The following SYN3 variants were observed in gnomAD, a reference collection of about 807,000 sequenced individuals.
SYN3 encodes synapsin-3.
A neutral mutation model predicts 65.8 loss-of-function variants in SYN3; 35 were observed. The ratio of observed to expected loss-of-function variants is 0.53; its 90% confidence interval spans 0.41 to 0.70. SYN3 has a LOEUF of 0.70. SYN3 is among the 30% of genes least tolerant of loss of function. The pLI, the probability that SYN3 is intolerant of heterozygous loss-of-function variation, is 0.00. For synonymous variants in SYN3, 270 were observed against 292.9 expected, an observed-to-expected ratio of 0.92 and a Z score of 0.80; for missense variants, 680 against 749.0, an observed-to-expected ratio of 0.91 and a Z score of 1.08.
chr22:32,867,490 A>G (rs1479948601), intron 5 of SYN3, among the ~76,000 whole-genome samples: 1 of 152,242 alleles, frequency 6.6e-6, no homozygotes, highest in African/African-American at 2.4e-5. Context: ...TAATGCACAA[A>G]TGAATGGATA....
chr22:32,787,771 C>T (rs943855416), intron 6 of SYN3, among the ~76,000 whole-genome samples: 4 of 152,154 alleles, frequency 2.6e-5, no homozygotes, highest in African/African-American at 9.7e-5. Context: ...TGGGAGGCTC[C>T]AGTGACTGGG....
intron 3 of SYN3, among the ~76,000 whole-genome samples, chr22:32,941,381 T>C (rs1457352461): frequency 6.6e-6 from 1 of 152,236 alleles, no homozygotes; most frequent in Non-Finnish European, 1.5e-5. Flanking sequence ...TCCACCTTGT[T>C]GAAAGCTTGA....
At position 32,787,318 on chromosome 22, in the gene SYN3, G is replaced by A. The variant is rs147481512; in HGVS notation, c.711+77597C>T. Among the ~76,000 whole-genome samples, 378 of 152,258 alleles carry A rather than the reference G, an allele frequency of 2.5e-3. 7 individuals carry two copies. In the East Asian group the frequency reaches 0.059, roughly 24 times the overall value. ...TTGCTTCAACCTCCCAAAGTGCTGG[G>A]ATTACAGGCGTGAGCCACCGCACCC... On this transcript the variant is annotated intron_variant, in intron 6 of 13. Transcript: ENST00000358763.
At chr22:32,563,624 A>G (rs1423297069) in intron 7 of SYN3, among the ~76,000 whole-genome samples, 2 of 152,140 alleles carry the variant, frequency 1.3e-5, no homozygotes, top group East Asian at 3.9e-4. Flanking sequence ...AAGTTGATGG[A>G]TCAGGGTGGA....
intron 6 of SYN3, among the ~76,000 whole-genome samples, chr22:32,794,283 C>A (rs2046382498): frequency 6.6e-6 from 1 of 152,238 alleles, no homozygotes; most frequent in African/African-American, 2.4e-5. Flanking sequence ...CTCTCTGTGA[C>A]TATCAGGAGG....
At chr22:33,046,050 G>A (rs184656599) in intron 1 of SYN3, among the ~76,000 whole-genome samples, 28 of 150,480 alleles carry the variant, frequency 1.9e-4, no homozygotes, top group African/African-American at 5.4e-4. Context: ...CAGACACTTC[G>A]CCAAAGAGAA....
At chr22:32,913,643 G>A (rs1214131276) in intron 4 of SYN3, among the ~76,000 whole-genome samples, 1 of 152,146 alleles carries the variant, frequency 6.6e-6, no homozygotes, top group South Asian at 2.1e-4. Flanking sequence ...GTGATATGGG[G>A]ACAAGAATAT....
chr22:32,984,161 CAAAAAAAA>C (rs35678412), intron 2 of SYN3, among the ~76,000 whole-genome samples: 127 of 92,992 alleles, frequency 1.4e-3, no homozygotes, highest in East Asian at 0.011. Context: ...AAACTCCATC[CAAAAAAAA>C]AAAAAAAAAA....
chr22:32,729,714 C>A (rs781467234), intron 6 of SYN3, among the ~76,000 whole-genome samples: 1 of 152,164 alleles, frequency 6.6e-6, no homozygotes, highest in Non-Finnish European at 1.5e-5. Context: ...TTTACAGCAT[C>A]CACTTGCTCA....
intron 6 of SYN3, among the ~76,000 whole-genome samples, chr22:32,743,499 G>A (rs1207405526): frequency 2.0e-5 from 3 of 152,330 alleles, no homozygotes; most frequent in East Asian, 1.9e-4. Flanking sequence ...GAGAGAGGTG[G>A]AGGAGACGCT....
At chr22:32,541,842 C>T (rs5998533) in intron 7 of SYN3, 129 bp from the exon 8 acceptor site, 118,410 of 1,086,914 alleles carry the variant, frequency 0.11, 7,443 homozygotes, top group African/African-American at 0.25. Context: ...GCAGGGGAGA[C>T]AGACACGGGA....
rs2057717934 is a variant in SYN3 at position 32,513,464 on chromosome 22, A to G, written c.*228T>C. ...CCATCGCTCAGGCCTGTTTTGAGGA[A>G]CCTGGAGGCTCTCAAAGGCCCACCT... On this transcript the variant is annotated 3_prime_UTR_variant, in exon 14 of 14. Transcript: ENST00000358763. The G allele has an allele frequency of 1.4e-5, 7 of 500,372 alleles. No individual in the cohort carries two copies. The Admixed American group carries it at 2.4e-4, about 17-fold the overall frequency. The allele number at this position is 500,372 out of a possible 1,614,324, so 31.0% of individuals were successfully genotyped here.
chr22:32,752,600 C>G (rs1407492453), intron 6 of SYN3, among the ~76,000 whole-genome samples: 1 of 152,252 alleles, frequency 6.6e-6, no homozygotes, highest in African/African-American at 2.4e-5. Flanking sequence ...CGTGCCGGGG[C>G]TCTGCTGTCC....
chr22:32,520,854 G>A (rs2057868476), intron 12 of SYN3, among the ~76,000 whole-genome samples: 1 of 152,186 alleles, frequency 6.6e-6, no homozygotes, highest in Admixed American at 6.5e-5. Flanking sequence ...AACTCGCTGT[G>A]TGACCGTGGG....
Position 32,528,045 on chromosome 22 carries a change from A to C in SYN3, c.1231-40T>G, listed in dbSNP as rs369464398. 338 of 1,449,542 alleles carry C rather than the reference A, an allele frequency of 2.3e-4. 1 individual carries two copies. Among genetic ancestry groups the C allele is most frequent in the Admixed American group, 3.2e-4 (12 of 37,992 alleles). 89.8% of individuals were successfully genotyped at this position (1,449,542 alleles called of 1,614,324 possible). A position where few individuals can be genotyped will look rare whatever the true frequency, so the allele number is the denominator to read the frequency against. The stretch of plus-strand genomic sequence containing the variant: ...AAAAGAAGCCTGTTGGTATCACCAC[A>C]GCCCTTTACTTCCTGGGTGAGAGGG... On this transcript the variant is annotated intron_variant, in intron 11 of 13. Transcript: ENST00000358763.
chr22:32,921,657 T>C (rs887569552), intron 4 of SYN3, among the ~76,000 whole-genome samples: 2 of 152,216 alleles, frequency 1.3e-5, no homozygotes, highest in African/African-American at 2.4e-5. Flanking sequence ...TGACAATGAT[T>C]TAACTGTCCC....
At chr22:32,981,965 G>A (rs143902445) in intron 2 of SYN3, among the ~76,000 whole-genome samples, 92 of 152,174 alleles carry the variant, frequency 6.0e-4, no homozygotes, top group African/African-American at 2.0e-3. Flanking sequence ...GAAATATGTT[G>A]AATGTATAAA....
At chr22:32,625,881 C>G (rs961943935) in intron 6 of SYN3, among the ~76,000 whole-genome samples, 1 of 152,182 alleles carries the variant, frequency 6.6e-6, no homozygotes, top group Non-Finnish European at 1.5e-5. Context: ...GGATCTAAGT[C>G]TTCTTGTGCA....
chr22:32,897,001 G>GTC (rs1024568934), intron 4 of SYN3, among the ~76,000 whole-genome samples: 26 of 152,174 alleles, frequency 1.7e-4, no homozygotes, highest in African/African-American at 4.8e-4. Context: ...TTTAACCTAC[G>GTC]TCTCTCTCTC....
Sources: gnomAD v4.1 joint callset for allele counts (sites outside exome capture counted in the v4.1 genomes callset) on GRCh38, gnomAD v4.1.1 for gene constraint, MANE v1.5 for transcripts, NCBI Gene and HGNC (gene_info 2026-07-23, HGNC 2026-07-21) for gene names.